Variants in CNTLN observed in about 807,000 individuals in gnomAD.
The protein encoded by CNTLN is centlein, centrosomal protein.
Under a neutral mutation model 180.0 loss-of-function variants are expected in CNTLN, and 212 were observed. The observed-to-expected ratio is 1.18, with a 90% CI of 1.05 to 1.32. CNTLN has a LOEUF of 1.32. Ranked by LOEUF, CNTLN falls within the 40% of genes most tolerant of loss-of-function variation. The pLI, the probability that CNTLN is intolerant of heterozygous loss-of-function variation, is 0.00. For synonymous variants in CNTLN, 722 were observed against 563.1 expected (o/e 1.28, Z -3.99); for missense variants, 2,095 against 1,610.9 (o/e 1.30, Z -5.14).
chr9:17,428,260 A>C (rs1829212793), intron 18 of CNTLN, among the ~76,000 whole-genome samples: 2 of 152,086 alleles, frequency 1.3e-5, no homozygotes, highest in South Asian at 2.1e-4. Flanking sequence ...AAGGATAATA[A>C]ATATTAATGG....
chr9:17,186,586 A>G (rs550848408), intron 2 of CNTLN, among the ~76,000 whole-genome samples: 49 of 152,146 alleles, frequency 3.2e-4, no homozygotes, highest in African/African-American at 1.2e-3. Flanking sequence ...CTCTATCTCA[A>G]GGTTGTAGCT....
At chr9:17,197,057 T>G (rs907733193) in intron 2 of CNTLN, among the ~76,000 whole-genome samples, 1 of 152,202 alleles carries the variant, frequency 6.6e-6, no homozygotes, top group African/African-American at 2.4e-5. Flanking sequence ...TTCAATTGTT[T>G]TAATTTTTAG....
At chr9:17,268,455 G>A (rs553722205) in intron 5 of CNTLN, among the ~76,000 whole-genome samples, 9 of 152,290 alleles carry the variant, frequency 5.9e-5, no homozygotes, top group Admixed American at 5.2e-4. Flanking sequence ...CCCCTACTGG[G>A]GGGTGCCTCC....
intron 5 of CNTLN, among the ~76,000 whole-genome samples, chr9:17,252,575 TAATG>T (rs937030782): frequency 2.6e-5 from 4 of 151,674 alleles, no homozygotes; most frequent in Non-Finnish European, 5.9e-5. Context: ...GTACATGTTA[TAATG>T]TGATTTTTTA....
chr9:17,441,281 G>A (rs1288371830), intron 18 of CNTLN, among the ~76,000 whole-genome samples: 2 of 152,080 alleles, frequency 1.3e-5, no homozygotes, highest in African/African-American at 4.8e-5. Flanking sequence ...AAGTATAAAG[G>A]TCACTGGTAA....
intron 2 of CNTLN, among the ~76,000 whole-genome samples, chr9:17,212,500 A>T (rs908627966): frequency 6.6e-6 from 1 of 152,154 alleles, no homozygotes; most frequent in Admixed American, 6.5e-5. Flanking sequence ...CATCAGGGAT[A>T]TTGGTCTAAA....
intron 2 of CNTLN, among the ~76,000 whole-genome samples, chr9:17,213,352 G>T (rs1823476026): frequency 6.6e-6 from 1 of 152,208 alleles, no homozygotes; most frequent in South Asian, 2.1e-4. Flanking sequence ...CAGTTTCCAT[G>T]TAGTTGACCG....
chr9:17,427,516 A>G (rs1829166165), intron 18 of CNTLN, among the ~76,000 whole-genome samples: 1 of 152,140 alleles, frequency 6.6e-6, no homozygotes, highest in African/African-American at 2.4e-5. Flanking sequence ...TAGCCTGTAA[A>G]TCTCACATGA....
chr9:17,499,610 A>G (rs1833639767), intron 25 of CNTLN, among the ~76,000 whole-genome samples: 1 of 152,200 alleles, frequency 6.6e-6, no homozygotes, highest in Admixed American at 6.5e-5. Flanking sequence ...AGGCACAGCT[A>G]CTTAAATTTT....
At chr9:17,500,580 A>G (rs1002605807) in intron 25 of CNTLN, among the ~76,000 whole-genome samples, 2 of 152,206 alleles carry the variant, frequency 1.3e-5, no homozygotes, top group African/African-American at 4.8e-5. Flanking sequence ...GAATTTAGAA[A>G]TAGGATATTA....
At chr9:17,221,941 T>G (rs1824164677) in intron 2 of CNTLN, among the ~76,000 whole-genome samples, 1 of 152,036 alleles carries the variant, frequency 6.6e-6, no homozygotes. Flanking sequence ...TTTATTTCTT[T>G]GGAAGAACTG....
intron 2 of CNTLN, among the ~76,000 whole-genome samples, chr9:17,215,139 GA>G (rs1350259125): frequency 1.3e-5 from 2 of 152,174 alleles, no homozygotes; most frequent in African/African-American, 4.8e-5. Flanking sequence ...CTGATTTTTA[GA>G]ATTTTCAGCT....
chr9:17,434,383 T>C (rs141769150), intron 18 of CNTLN, among the ~76,000 whole-genome samples: 1,619 of 152,200 alleles, frequency 0.011, 21 homozygotes, highest in African/African-American at 0.037. Context: ...CTTCCATCAC[T>C]GCTTTAGCTG....
chr9:17,340,958 A>G lies in CNTLN; in HGVS notation c.1766+10A>G, dbSNP rs1564009637. The G allele has an allele frequency of 1.2e-6, 2 of 1,602,390 alleles. 1 individual carries two copies. The highest frequency in any genetic ancestry group is 2.2e-5 in the South Asian group (2 of 88,896). ...AAGAAGGCAGTGGCATGTGAGTTAC[A>G]TAGCTCATAAAGGCATTTCCCTAAA... On this transcript the variant is annotated intron_variant, in intron 11 of 25. Transcript: ENST00000380647.
intron 2 of CNTLN, among the ~76,000 whole-genome samples, chr9:17,164,601 A>G (rs1166786361): frequency 6.7e-6 from 1 of 149,264 alleles, no homozygotes; most frequent in Non-Finnish European, 1.5e-5. Context: ...CGTGCTCCAC[A>G]ACAGCCAGCT....
At chr9:17,275,059 A>T (rs529573368) in intron 6 of CNTLN, among the ~76,000 whole-genome samples, 78 of 152,238 alleles carry the variant, frequency 5.1e-4, no homozygotes, top group Middle Eastern at 3.4e-3. Flanking sequence ...AATTATTTTT[A>T]AAACAATAAC....
intron 5 of CNTLN, among the ~76,000 whole-genome samples, chr9:17,244,589 G>A (rs886662660): frequency 1.3e-5 from 2 of 151,942 alleles, no homozygotes; most frequent in Non-Finnish European, 2.9e-5. Context: ...GGAGAGTTTG[G>A]TCTGTTTACC....
intron 3 of CNTLN, 138 bp from the exon 4 acceptor site, chr9:17,235,520 T>G: frequency 1.7e-5 from 11 of 654,720 alleles, no homozygotes; most frequent in East Asian, 3.2e-5. Flanking sequence ...TTACAGGAGA[T>G]GAGAATTGTG....
chr9:17,422,326 TG>T (rs1176037798), intron 18 of CNTLN, among the ~76,000 whole-genome samples: 4 of 152,136 alleles, frequency 2.6e-5, no homozygotes, highest in African/African-American at 4.8e-5. Flanking sequence ...CCTTGACCTT[TG>T]GGATTTTGAT....
Sources: gnomAD v4.1 joint callset for allele counts (sites outside exome capture counted in the v4.1 genomes callset) on GRCh38, gnomAD v4.1.1 for gene constraint, MANE v1.5 for transcripts, NCBI Gene and HGNC (gene_info 2026-07-23, HGNC 2026-07-21) for gene names.